UMAD1: variants seen among roughly 807,000 people sequenced by gnomAD.
UMAD1 encodes the protein UBAP1-MVB12-associated (UMA) domain containing 1.
A neutral mutation model predicts 6.1 loss-of-function variants in UMAD1; 8 were observed. The observed-to-expected ratio is 1.30, with a 90% CI of 0.76 to 2.35. The LOEUF (loss-of-function observed/expected upper bound fraction) is 2.35. Ranked by LOEUF, UMAD1 falls within the 30% of genes most tolerant of loss-of-function variation. The pLI is 0.00. For synonymous variants in UMAD1, 56 were observed against 31.4 expected (o/e 1.78, Z -2.61); for missense variants, 130 against 78.4 (o/e 1.66, Z -2.49).
chr7:7,800,487 G>A (rs1358213323), intron 2 of UMAD1, among the ~76,000 whole-genome samples: 2 of 151,718 alleles, frequency 1.3e-5, no homozygotes, highest in Non-Finnish European at 2.9e-5. Flanking sequence ...ATGGTGTTTG[G>A]TACATGAGTA....
At chr7:7,693,372 AT>A (rs1448071259) in intron 2 of UMAD1, among the ~76,000 whole-genome samples, 5 of 152,000 alleles carry the variant, frequency 3.3e-5, no homozygotes, top group African/African-American at 1.2e-4. Flanking sequence ...AATGTATAAT[AT>A]AGGAAAATCT....
chr7:7,826,376 A>G (rs1003380041), intron 3 of UMAD1, among the ~76,000 whole-genome samples: 3 of 152,140 alleles, frequency 2.0e-5, no homozygotes, highest in African/African-American at 7.2e-5. Context: ...TCTAGTATCT[A>G]GTACTAAGTC....
chr7:7,780,106 G>A (rs1042153461), intron 2 of UMAD1, among the ~76,000 whole-genome samples: 3 of 152,166 alleles, frequency 2.0e-5, no homozygotes, highest in African/African-American at 7.2e-5. Context: ...TATATTTCCT[G>A]TACATTTCCC....
At chr7:7,648,932 G>A (rs879679361) in intron 1 of UMAD1, among the ~76,000 whole-genome samples, 3 of 152,086 alleles carry the variant, frequency 2.0e-5, no homozygotes, top group Non-Finnish European at 4.4e-5. Context: ...GCCGAGGTGG[G>A]TGGATCACCT....
At chr7:7,691,749 T>C (rs1780177420) in intron 2 of UMAD1, among the ~76,000 whole-genome samples, 1 of 152,238 alleles carries the variant, frequency 6.6e-6, no homozygotes, top group Non-Finnish European at 1.5e-5. Context: ...TTTATTCTAA[T>C]CTTTATCGAA....
chr7:7,821,136 C>T (rs907481158), intron 3 of UMAD1, among the ~76,000 whole-genome samples: 4 of 152,068 alleles, frequency 2.6e-5, no homozygotes, highest in African/African-American at 4.8e-5. Context: ...AGATCTGACT[C>T]GCAGGAAAAC....
chr7:7,669,084 G>GT (rs11340786), intron 1 of UMAD1, among the ~76,000 whole-genome samples: 1,591 of 148,890 alleles, frequency 0.011, 17 homozygotes, highest in African/African-American at 0.036. Flanking sequence ...TGGGAATCAA[G>GT]TTTTTTTTTT....
intron 1 of UMAD1, among the ~76,000 whole-genome samples, chr7:7,649,660 A>C (rs1380943593): frequency 6.6e-6 from 1 of 150,704 alleles, no homozygotes; most frequent in Non-Finnish European, 1.5e-5. Flanking sequence ...GTTAATTTGA[A>C]TGTTATACAT....
intron 2 of UMAD1, among the ~76,000 whole-genome samples, chr7:7,695,094 A>G (rs956869577): frequency 5.3e-5 from 8 of 152,154 alleles, no homozygotes; most frequent in African/African-American, 1.9e-4. Context: ...CTGGGGTGAG[A>G]TGATATCTTG....
Position 7,654,312 on chromosome 7 carries a change from T to C in UMAD1, c.-64+13491T>C, listed in dbSNP as rs185308425. Reference sequence around the variant, plus strand: ...AAGTGAGGCCATCTGTATTCAGTGATGGAAATAGGATCTGACAAGAGGGGA... The same window carrying C: ...AAGTGAGGCCATCTGTATTCAGTGACGGAAATAGGATCTGACAAGAGGGGA... On this transcript the variant is annotated intron_variant, in intron 1 of 3. Transcript: ENST00000682710. Among the ~76,000 whole-genome samples, 172 of 152,338 alleles carry C rather than the reference T, an allele frequency of 1.1e-3. 1 individual carries two copies. Among genetic ancestry groups the C allele is most frequent in the Middle Eastern group, 6.8e-3 (2 of 294 alleles).
At chr7:7,686,847 A>T (rs1583736287) in intron 2 of UMAD1, among the ~76,000 whole-genome samples, 1 of 152,164 alleles carries the variant, frequency 6.6e-6, no homozygotes, top group African/African-American at 2.4e-5. Flanking sequence ...GATTCTAGGA[A>T]ATCTTTTAAA....
chr7:7,747,791 TCAGTTTAA>T (rs1374493260), intron 2 of UMAD1, among the ~76,000 whole-genome samples: 1 of 152,198 alleles, frequency 6.6e-6, no homozygotes, highest in Non-Finnish European at 1.5e-5. Context: ...TTCATTATTT[TCAGTTTAA>T]CAAATAATTT....
At chr7:7,786,897 A>G (rs1782471539) in intron 2 of UMAD1, among the ~76,000 whole-genome samples, 1 of 152,236 alleles carries the variant, frequency 6.6e-6, no homozygotes, top group African/African-American at 2.4e-5. Flanking sequence ...GACTGAGACA[A>G]GTTGATTTGA....
chr7:7,770,882 A>G (rs1435647319), intron 2 of UMAD1, among the ~76,000 whole-genome samples: 1 of 152,138 alleles, frequency 6.6e-6, no homozygotes, highest in African/African-American at 2.4e-5. Context: ...TATGGGGCAT[A>G]TGATGTATAA....
chr7:7,702,694 T>A (rs185375974), intron 2 of UMAD1, among the ~76,000 whole-genome samples: 60 of 152,354 alleles, frequency 3.9e-4, no homozygotes, highest in African/African-American at 1.3e-3. Flanking sequence ...AAATTGAATC[T>A]TACTTTTCCA....
intron 2 of UMAD1, among the ~76,000 whole-genome samples, chr7:7,784,337 GTTT>G (rs5882136): frequency 7.0e-5 from 8 of 113,690 alleles, no homozygotes; most frequent in Non-Finnish European, 5.5e-5. Flanking sequence ...TAAAATCTCT[GTTT>G]TTTTTTTTTT....
chr7:7,651,541 G>C (rs891688325), intron 1 of UMAD1, among the ~76,000 whole-genome samples: 2 of 152,096 alleles, frequency 1.3e-5, no homozygotes, highest in African/African-American at 4.8e-5. Context: ...CATTGCTTTG[G>C]GTACGTATTT....
intron 3 of UMAD1, among the ~76,000 whole-genome samples, chr7:7,854,355 CAAAAAAA>C (rs34829393): frequency 2.0e-5 from 1 of 49,164 alleles, no homozygotes; most frequent in South Asian, 9.9e-4. Flanking sequence ...AGCTCCATCT[CAAAAAAA>C]AAAAAAAAAA....
At chr7:7,864,177 A>G (rs1784180651) in intron 3 of UMAD1, among the ~76,000 whole-genome samples, 2 of 152,194 alleles carry the variant, frequency 1.3e-5, no homozygotes, top group African/African-American at 2.4e-5. Context: ...AAAACAACAT[A>G]TAACAAAACC....
Sources: allele counts gnomAD v4.1 joint callset (sites outside exome capture counted in the v4.1 genomes callset), GRCh38; gene constraint gnomAD v4.1.1; transcripts MANE v1.5; gene names NCBI Gene and HGNC (gene_info 2026-07-23, HGNC 2026-07-21).